DIP2C: variants seen among roughly 807,000 people sequenced by gnomAD.
The protein encoded by DIP2C is disco-interacting protein 2 homolog C.
DIP2C carries 33 observed loss-of-function variants against 192.4 expected under a neutral mutation model. The observed-to-expected ratio is 0.17, with a 90% CI of 0.13 to 0.23. The LOEUF is 0.23. Among genes scored for constraint, DIP2C ranks in the 10% least tolerant of loss-of-function variants. DIP2C has a pLI of 1.00. For synonymous variants in DIP2C, 979 were observed against 864.1 expected, an observed-to-expected ratio of 1.13 and a Z score of -2.33; for missense variants, 1,537 against 2,110.1, an observed-to-expected ratio of 0.73 and a Z score of 5.32.
intron 32 of DIP2C, among the ~76,000 whole-genome samples, chr10:298,850 C>T (rs140790617): frequency 6.6e-6 from 1 of 152,228 alleles, no homozygotes; most frequent in South Asian, 2.1e-4. Context: ...TCTCCTACTT[C>T]AATCTTCGCT....
At chr10:450,378 A>G (rs1968759355) in intron 3 of DIP2C, among the ~76,000 whole-genome samples, 1 of 152,184 alleles carries the variant, frequency 6.6e-6, no homozygotes, top group South Asian at 2.1e-4. Flanking sequence ...CAGATTTAAG[A>G]TGTTTACGTA....
intron 1 of DIP2C, among the ~76,000 whole-genome samples, chr10:527,073 T>TG (rs1588391731): frequency 1.3e-5 from 2 of 152,190 alleles, no homozygotes; most frequent in African/African-American, 4.8e-5. Flanking sequence ...TGAGGCTGTC[T>TG]GGCTCCTCAC....
intron 8 of DIP2C, among the ~76,000 whole-genome samples, chr10:409,577 G>A (rs369861389): frequency 4.8e-4 from 73 of 152,234 alleles, no homozygotes; most frequent in Non-Finnish European, 8.7e-4. Flanking sequence ...CACAGAAACC[G>A]CGGGGAAGGT....
intron 1 of DIP2C, among the ~76,000 whole-genome samples, chr10:590,628 A>T (rs1851343416): frequency 1.3e-5 from 2 of 152,232 alleles, no homozygotes; most frequent in Non-Finnish European, 2.9e-5. Context: ...TACAATCTTT[A>T]AACAGAGCCA....
chr10:343,385 T>C (rs1958257268), intron 28 of DIP2C, among the ~76,000 whole-genome samples: 1 of 152,078 alleles, frequency 6.6e-6, no homozygotes, highest in South Asian at 2.1e-4. Context: ...ACTGGGGAAA[T>C]CCAAATGCCT....
intron 1 of DIP2C, among the ~76,000 whole-genome samples, chr10:537,663 G>A (rs530254280): frequency 3.4e-4 from 52 of 152,266 alleles, no homozygotes; most frequent in Non-Finnish European, 7.3e-5. Context: ...ATGACAACAG[G>A]AGAGGGATGA....
intron 1 of DIP2C, among the ~76,000 whole-genome samples, chr10:525,748 T>G (rs1376237859): frequency 1.3e-5 from 2 of 152,176 alleles, no homozygotes; most frequent in African/African-American, 4.8e-5. Flanking sequence ...CCACACCAGC[T>G]GTGCAGGTGA....
chr10:593,116 G>C (rs2131646814), intron 1 of DIP2C, among the ~76,000 whole-genome samples: 1 of 152,208 alleles, frequency 6.6e-6, no homozygotes, highest in East Asian at 1.9e-4. Flanking sequence ...CCAGCACTGA[G>C]AGGCAGTCCC....
At chr10:409,621 C>T (rs770004184) in intron 8 of DIP2C, among the ~76,000 whole-genome samples, 4 of 152,262 alleles carry the variant, frequency 2.6e-5, no homozygotes, top group South Asian at 2.1e-4. Flanking sequence ...GCCACCGCAA[C>T]GGTGTCACTG....
chr10:587,037 G>A (rs111881615), intron 1 of DIP2C, among the ~76,000 whole-genome samples: 17 of 140,696 alleles, frequency 1.2e-4, no homozygotes, highest in South Asian at 2.2e-4. Context: ...GACCACCTGG[G>A]TCCCTGCTGA....
chr10:550,023 T>TC (rs1005508785), intron 1 of DIP2C, among the ~76,000 whole-genome samples: 8 of 151,294 alleles, frequency 5.3e-5, no homozygotes, highest in Non-Finnish European at 1.0e-4. Context: ...TTTTTTTTTT[T>TC]TCTCTTAAGA....
intron 4 of DIP2C, among the ~76,000 whole-genome samples, chr10:434,356 G>C (rs952370474): frequency 6.6e-6 from 1 of 152,070 alleles, no homozygotes; most frequent in Non-Finnish European, 1.5e-5. Flanking sequence ...ATAGCTCACC[G>C]CAGCCTTGAA....
Position 613,918 on chromosome 10 carries a change from CTT to C in DIP2C, c.85+75574_85+75575del, listed in dbSNP as rs138917565. The stretch of plus-strand genomic sequence containing the variant: ...CCCCACAGCTGGAAACACCTGACCT[CTT>C]GTCACCCTCCCATCTGCCCTGCCTT... On this transcript the variant is annotated intron_variant, in intron 1 of 36. Coordinates refer to ENST00000280886, the MANE Select transcript of DIP2C (RefSeq NM_014974.3). Among the ~76,000 whole-genome samples the C allele has an allele frequency of 3.3e-3, 505 of 152,278 alleles. 4 individuals are homozygous for C. Among genetic ancestry groups the C allele is most frequent in the African/African-American group, 0.012 (482 of 41,552 alleles).
chr10:519,212 T>A (rs1425143496), intron 1 of DIP2C, among the ~76,000 whole-genome samples: 2 of 152,138 alleles, frequency 1.3e-5, no homozygotes, highest in Non-Finnish European at 2.9e-5. Flanking sequence ...GCACAGCCAC[T>A]AGCTGCCCCG....
At chr10:388,527 G>C (rs1463391698) in intron 13 of DIP2C, among the ~76,000 whole-genome samples, 1 of 152,192 alleles carries the variant, frequency 6.6e-6, no homozygotes, top group East Asian at 1.9e-4. Context: ...ATGGCCAAAA[G>C]TAAACAACCT....
chr10:683,242 G>A (rs905355277), intron 1 of DIP2C, among the ~76,000 whole-genome samples: 1 of 152,224 alleles, frequency 6.6e-6, no homozygotes, highest in African/African-American at 2.4e-5. Flanking sequence ...GAAGAAAGAA[G>A]GCAGGACGGT....
intron 1 of DIP2C, among the ~76,000 whole-genome samples, chr10:548,047 C>CAT (rs1848380562): frequency 6.6e-6 from 1 of 152,182 alleles, no homozygotes; most frequent in Non-Finnish European, 1.5e-5. Flanking sequence ...TGCAATGCTT[C>CAT]ATTTAGGAGG....
At position 635,740 on chromosome 10, in the gene DIP2C, G is replaced by C. The variant is rs534289903; in HGVS notation, c.85+53754C>G. On this transcript the variant is annotated intron_variant, in intron 1 of 36. Coordinates refer to ENST00000280886, the MANE Select transcript of DIP2C (RefSeq NM_014974.3). ...CCCTGGGCACTGGGCGCTCAGGCTGGAGGTGGTGAGACCTCGAGGCCCTGC... is the reference window on the plus strand; with the variant it reads ...CCCTGGGCACTGGGCGCTCAGGCTGCAGGTGGTGAGACCTCGAGGCCCTGC... Among the ~76,000 whole-genome samples the C allele has an allele frequency of 8.7e-4, 132 of 152,376 alleles. 1 individual carries two copies. The highest frequency in any genetic ancestry group is 3.1e-3 in the African/African-American group (127 of 41,588).
intron 1 of DIP2C, among the ~76,000 whole-genome samples, chr10:504,281 C>T (rs191529484): frequency 2.0e-5 from 3 of 152,328 alleles, no homozygotes; most frequent in East Asian, 3.9e-4. Context: ...GGAAGAGGCA[C>T]GCAAGGGAAA....
Sources: gnomAD v4.1 joint callset for allele counts (sites outside exome capture counted in the v4.1 genomes callset) on GRCh38, gnomAD v4.1.1 for gene constraint, MANE v1.5 for transcripts, NCBI Gene and HGNC (gene_info 2026-07-23, HGNC 2026-07-21) for gene names.